ERBB4: variants seen among roughly 807,000 people sequenced by gnomAD.
ERBB4 encodes the protein erb-b2 receptor tyrosine kinase 4.
Under a neutral mutation model 158.0 loss-of-function variants are expected in ERBB4, and 42 were observed. That is an observed-to-expected ratio of 0.27 (90% confidence interval 0.21 to 0.34). The LOEUF (loss-of-function observed/expected upper bound fraction) is 0.34. ERBB4 is among the 10% of genes least tolerant of loss of function. ERBB4 has a pLI of 1.00. For synonymous variants in ERBB4, 583 were observed against 558.7 expected (o/e 1.04, Z -0.61); for missense variants, 1,333 against 1,624.1 (o/e 0.82, Z 3.08).
At chr2:211,613,639 T>C (rs185735481) in intron 19 of ERBB4, among the ~76,000 whole-genome samples, 25 of 152,124 alleles carry the variant, frequency 1.6e-4, no homozygotes, top group African/African-American at 5.8e-4. Context: ...GGAAGACATA[T>C]AAATGTCAAA....
At chr2:211,992,216 G>A (rs928517878) in intron 2 of ERBB4, among the ~76,000 whole-genome samples, 1 of 152,072 alleles carries the variant, frequency 6.6e-6, no homozygotes, top group South Asian at 2.1e-4. Flanking sequence ...AAGAAAAAGA[G>A]GTTTAATTGG....
chr2:212,278,925 G>GTATA (rs1305176120), intron 1 of ERBB4, among the ~76,000 whole-genome samples: 1 of 151,540 alleles, frequency 6.6e-6, no homozygotes, highest in Non-Finnish European at 1.5e-5. Flanking sequence ...CAGAGGTAAA[G>GTATA]TATATAATGG....
At chr2:211,447,382 G>GA (rs540793021) in intron 20 of ERBB4, among the ~76,000 whole-genome samples, 73 of 147,754 alleles carry the variant, frequency 4.9e-4, no homozygotes, top group South Asian at 1.5e-3. Flanking sequence ...TTAATTACAA[G>GA]AAAAAAAAAA....
intron 2 of ERBB4, among the ~76,000 whole-genome samples, chr2:212,059,000 T>A (rs1377363015): frequency 1.3e-5 from 2 of 152,196 alleles, no homozygotes; most frequent in Non-Finnish European, 2.9e-5. Context: ...GAAGTCAAAT[T>A]GTCCCTGTTT....
intron 20 of ERBB4, among the ~76,000 whole-genome samples, chr2:211,534,817 A>AGCGAGAGC (rs2066599715): frequency 6.6e-6 from 1 of 152,018 alleles, no homozygotes; most frequent in African/African-American, 2.4e-5. Context: ...AGAGGGAGAG[A>AGCGAGAGC]GCGAGAGCGT....
At chr2:211,809,552 T>A (rs185343716) in intron 3 of ERBB4, among the ~76,000 whole-genome samples, 135 of 152,312 alleles carry the variant, frequency 8.9e-4, no homozygotes, top group Admixed American at 2.0e-3. Context: ...TTATCGTTTT[T>A]TATTGCATCT....
chr2:211,896,693 A>G (rs1239773406), intron 3 of ERBB4, among the ~76,000 whole-genome samples: 1 of 152,190 alleles, frequency 6.6e-6, no homozygotes, highest in Non-Finnish European at 1.5e-5. Context: ...ATGACAAATC[A>G]TATCACTTTC....
At chr2:212,502,267 T>C (rs1176347033) in intron 1 of ERBB4, among the ~76,000 whole-genome samples, 1 of 152,150 alleles carries the variant, frequency 6.6e-6, no homozygotes, top group African/African-American at 2.4e-5. Flanking sequence ...ATTATATTTA[T>C]TAAGAATCAT....
intron 3 of ERBB4, among the ~76,000 whole-genome samples, chr2:211,886,329 C>A (rs1043837629): frequency 6.6e-6 from 1 of 152,054 alleles, no homozygotes; most frequent in Admixed American, 6.6e-5. Flanking sequence ...CTAAAGTGTT[C>A]CAGAAGAACA....
Position 212,263,961 on chromosome 2 carries a change from A to G in ERBB4, c.83-139058T>C, listed in dbSNP as rs1358032220. Among the ~76,000 whole-genome samples the G allele has an allele frequency of 2.0e-5, 3 of 152,078 alleles. No individual in the cohort carries two copies. In the East Asian group the frequency reaches 5.8e-4, roughly 29 times the overall value. Reference sequence around the variant, plus strand: ...GTAATATCTATGGCTTGTCTGTCCTACTAAATGGTAAGCTCCTATATTGCT... The same window carrying G: ...GTAATATCTATGGCTTGTCTGTCCTGCTAAATGGTAAGCTCCTATATTGCT... On this transcript the variant is annotated intron_variant, in intron 1 of 27. Transcript: ENST00000342788.
At chr2:211,535,122 T>C (rs895788863) in intron 20 of ERBB4, among the ~76,000 whole-genome samples, 1 of 152,108 alleles carries the variant, frequency 6.6e-6, no homozygotes, top group Non-Finnish European at 1.5e-5. Context: ...AAATTTGATG[T>C]ATTTGTTCTT....
At chr2:211,549,851 C>CA (rs1173550574) in intron 20 of ERBB4, among the ~76,000 whole-genome samples, 3 of 152,096 alleles carry the variant, frequency 2.0e-5, no homozygotes, top group Non-Finnish European at 4.4e-5. Flanking sequence ...ACAAAATTCA[C>CA]AAAAATGGAA....
rs2066402638 is a variant in ERBB4 at position 211,528,173 on chromosome 2, T to C, written c.2487+33730A>G. On this transcript the variant is annotated intron_variant, in intron 20 of 27. Coordinates refer to ENST00000342788, the MANE Select transcript of ERBB4 (RefSeq NM_005235.3). Reference sequence around the variant, plus strand: ...TAAAGTGATGGAAAAAGATATTCCATGCCAATGGAAACAAAAAAAGAGCAA... The same window carrying C: ...TAAAGTGATGGAAAAAGATATTCCACGCCAATGGAAACAAAAAAAGAGCAA... Among the ~76,000 whole-genome samples, 4 of 151,894 alleles carry C rather than the reference T, an allele frequency of 2.6e-5. No individual in the cohort carries two copies. In the South Asian group the frequency reaches 8.3e-4, roughly 31 times the overall value.
At chr2:211,884,774 A>G (rs73073325) in intron 3 of ERBB4, among the ~76,000 whole-genome samples, 21,518 of 152,128 alleles carry the variant, frequency 0.14, 1,880 homozygotes, top group African/African-American at 0.24. Flanking sequence ...AACATGTTAT[A>G]GTGAAGACTG....
chr2:211,859,415 A>AT (rs998849581), intron 3 of ERBB4, among the ~76,000 whole-genome samples: 98 of 152,282 alleles, frequency 6.4e-4, no homozygotes, highest in African/African-American at 2.3e-3. Flanking sequence ...TTGGATTCAC[A>AT]TTTTTTAGGC....
Position 212,178,901 on chromosome 2 carries a change from GC to G in ERBB4, c.83-53999del, listed in dbSNP as rs1430719791. On this transcript the variant is annotated intron_variant, in intron 1 of 27. Coordinates refer to ENST00000342788, the MANE Select transcript of ERBB4 (RefSeq NM_005235.3). ...TAAAGGTATTGCAAACTGAATATTG[GC>G]TTTTCCATAGAAAACTTACTGTAAG... Among the ~76,000 whole-genome samples the G allele has an allele frequency of 4.6e-5, 7 of 151,656 alleles. No individual in the cohort carries two copies. In the East Asian group the frequency reaches 1.4e-3, roughly 29 times the overall value.
intron 1 of ERBB4, among the ~76,000 whole-genome samples, chr2:212,200,933 CAGTT>C (rs1559729928): frequency 1.3e-5 from 2 of 152,098 alleles, no homozygotes; most frequent in African/African-American, 2.4e-5. Flanking sequence ...CCTGAGGAAT[CAGTT>C]AGTCAGTAGG....
At chr2:211,967,183 C>G (rs2081331509) in intron 2 of ERBB4, among the ~76,000 whole-genome samples, 1 of 151,996 alleles carries the variant, frequency 6.6e-6, no homozygotes, top group Non-Finnish European at 1.5e-5. Flanking sequence ...TAGAATACTC[C>G]ATTCCCTCAT....
chr2:212,375,262 C>T (rs2090280535), intron 1 of ERBB4, among the ~76,000 whole-genome samples: 1 of 152,028 alleles, frequency 6.6e-6, no homozygotes, highest in African/African-American at 2.4e-5. Flanking sequence ...TAATATAATT[C>T]TGCTGAATAT....
Sources: gnomAD v4.1 joint callset for allele counts (sites outside exome capture counted in the v4.1 genomes callset) on GRCh38, gnomAD v4.1.1 for gene constraint, MANE v1.5 for transcripts, NCBI Gene and HGNC (gene_info 2026-07-23, HGNC 2026-07-21) for gene names.